Variants in KCNU1 observed in about 807,000 individuals in gnomAD.
KCNU1 encodes the protein potassium channel subfamily U member 1.
In KCNU1, 93 loss-of-function variants were observed where a neutral mutation model predicts 126.8. The observed-to-expected ratio is 0.73, with a 90% CI of 0.62 to 0.87. The LOEUF (loss-of-function observed/expected upper bound fraction) is 0.87. Ranked by LOEUF, KCNU1 falls within the 40% of genes least tolerant of loss-of-function variation. The pLI, the probability that KCNU1 is intolerant of heterozygous loss-of-function variation, is 0.00. For missense variants in KCNU1, 1,330 were observed against 1,367.1 expected (o/e 0.97, Z 0.43); for synonymous variants, 523 against 494.2 (o/e 1.06, Z -0.77).
intron 5 of KCNU1, 106 bp from the exon 6 acceptor site, chr8:36,807,269 G>A (rs1470940604): frequency 1.6e-4 from 132 of 804,180 alleles, no homozygotes; most frequent in East Asian, 3.0e-4. Flanking sequence ...TTTGGAACAC[G>A]TCTAGAAGAA....
At chr8:36,828,861 G>T (rs1804421521) in intron 10 of KCNU1, among the ~76,000 whole-genome samples, 1 of 151,966 alleles carries the variant, frequency 6.6e-6, no homozygotes, top group African/African-American at 2.4e-5. Flanking sequence ...TGCACCATTT[G>T]CAAGCCTATC....
In KCNU1 at chr8:36,873,437, A is replaced by G. The variant is rs76117539; in HGVS notation, c.2009+8916A>G. On this transcript the variant is annotated intron_variant, in intron 19 of 26. Transcript: ENST00000399881. ...ATATAATGGCTGTTTACCCAACACT[A>G]TAAATTATTGGCTTACACAACACAA... Among the ~76,000 whole-genome samples the G allele has an allele frequency of 7.5e-3, 1,147 of 152,258 alleles. 4 individuals carry two copies. Among genetic ancestry groups the G allele is most frequent in the Non-Finnish European group, 0.011 (734 of 68,018 alleles).
chr8:36,863,645 A>G (rs1056320878), intron 18 of KCNU1, among the ~76,000 whole-genome samples: 23 of 152,318 alleles, frequency 1.5e-4, no homozygotes, highest in Admixed American at 5.2e-4. Context: ...AGGGTTGGAA[A>G]TGATTCTTGG....
intron 2 of KCNU1, among the ~76,000 whole-genome samples, chr8:36,801,728 G>A (rs765633922): frequency 6.6e-6 from 1 of 151,876 alleles, no homozygotes; most frequent in Admixed American, 6.6e-5. Context: ...ACTTTTCTGA[G>A]CTTCAGACCA....
At chr8:36,807,347 C>T in intron 5 of KCNU1, 28 bp from the exon 6 acceptor site, 4 of 1,571,210 alleles carry the variant, frequency 2.5e-6, no homozygotes, top group Non-Finnish European at 3.5e-6. Context: ...CTGATTTTGG[C>T]AGCTTTCTCC....
Position 36,840,572 on chromosome 8 carries a change from C to G in KCNU1, c.1628C>G (p.Ala543Gly). 1 of 1,575,636 alleles carries G rather than the reference C, an allele frequency of 6.3e-7. No individual in the cohort carries two copies. The highest frequency in any genetic ancestry group is 8.7e-7 in the Non-Finnish European group (1 of 1,145,884). The change falls in exon 15 of 27, where the codon GCC becomes GGC. Residue 543 changes from alanine (A) to glycine (G), a missense_variant. By Grantham distance (60) the Ala-to-Gly change is moderately conservative. This residue lies in a region of KCNU1 where 1,054 missense variants were observed against 1,053.9 expected (regional missense o/e 1.00). Transcript: ENST00000399881. Reference sequence around the variant, plus strand: ...GCTGGAATGAGCTTTCCTGAAGTTGCCCGGTAAGTGAAGTGAAATACTTCC... The same window carrying G: ...GCTGGAATGAGCTTTCCTGAAGTTGGCCGGTAAGTGAAGTGAAATACTTCC... ...DFAGMSFPEVARLCFLKMHLL... is the reference protein window; with the variant it reads ...DFAGMSFPEVGRLCFLKMHLL...
intron 2 of KCNU1, among the ~76,000 whole-genome samples, chr8:36,799,085 G>A (rs548746301): frequency 3.9e-5 from 6 of 152,144 alleles, no homozygotes; most frequent in African/African-American, 1.2e-4. Context: ...AGTTATGCCC[G>A]TGTTCCTCTT....
intron 19 of KCNU1, among the ~76,000 whole-genome samples, chr8:36,900,701 G>T (rs778412085): frequency 6.6e-6 from 1 of 152,020 alleles, no homozygotes; most frequent in Non-Finnish European, 1.5e-5. Flanking sequence ...TGTAGCCTTT[G>T]ATATACAAAA....
intron 19 of KCNU1, among the ~76,000 whole-genome samples, chr8:36,871,031 G>GCA (rs1806083330): frequency 6.6e-6 from 1 of 152,070 alleles, no homozygotes; most frequent in African/African-American, 2.4e-5. Context: ...ATCCCTAGCA[G>GCA]GGCTATGTGT....
intron 10 of KCNU1, among the ~76,000 whole-genome samples, chr8:36,830,909 T>G: frequency 1.5e-5 from 1 of 67,564 alleles, no homozygotes; most frequent in African/African-American, 6.1e-5. Context: ...CCCTCCCCCC[T>G]CCCCCCACCC....
intron 18 of KCNU1, among the ~76,000 whole-genome samples, chr8:36,861,583 C>T (rs889066886): frequency 1.3e-5 from 2 of 152,124 alleles, no homozygotes; most frequent in Admixed American, 6.5e-5. Flanking sequence ...GCTTCTAAAA[C>T]TAGTGGTTTT....
At chr8:36,928,908 G>A (rs989196635) in intron 24 of KCNU1, 3 of 634,966 alleles carry the variant, frequency 4.7e-6, no homozygotes, top group African/African-American at 1.9e-5. Flanking sequence ...TGATCCAGGA[G>A]ATCTGGGATC....
intron 24 of KCNU1, among the ~76,000 whole-genome samples, chr8:36,927,090 G>A (rs1331429178): frequency 1.3e-5 from 2 of 152,056 alleles, no homozygotes; most frequent in Admixed American, 1.3e-4. Context: ...GAATAAATGT[G>A]CGAATCCCAA....
intron 19 of KCNU1, among the ~76,000 whole-genome samples, chr8:36,873,964 T>G (rs954796912): frequency 2.6e-5 from 4 of 152,202 alleles, no homozygotes; most frequent in African/African-American, 9.6e-5. Context: ...ATATCATTAT[T>G]AAAATGCACA....
intron 18 of KCNU1, among the ~76,000 whole-genome samples, chr8:36,852,319 G>T (rs1422531560): frequency 6.6e-6 from 1 of 151,922 alleles, no homozygotes; most frequent in Non-Finnish European, 1.5e-5. Context: ...ACAAATTTTG[G>T]TCTTTAGGTT....
At chr8:36,900,967 C>G (rs182433411) in intron 19 of KCNU1, among the ~76,000 whole-genome samples, 5 of 152,000 alleles carry the variant, frequency 3.3e-5, no homozygotes, top group Non-Finnish European at 1.5e-5. Context: ...CCAGAAAACT[C>G]TCTTAAGAAT....
rs181949494 is a variant in KCNU1 at position 36,804,391 on chromosome 8, C to A, written c.377+303C>A. On this transcript the variant is annotated intron_variant, in intron 3 of 26. Coordinates refer to ENST00000399881, the MANE Select transcript of KCNU1 (RefSeq NM_001031836.3). ...CACCAGCCTTCAGCTTTCTTTCCCTCACTTAGGCCACTCATGAAGGTTTTA... is the reference window on the plus strand; with the variant it reads ...CACCAGCCTTCAGCTTTCTTTCCCTAACTTAGGCCACTCATGAAGGTTTTA... 9.8e-4 allele frequency among the ~76,000 whole-genome samples: 149 copies of A among 152,282 alleles called. 2 individuals are homozygous for A. The highest frequency in any genetic ancestry group is 9.7e-3 in the Admixed American group (148 of 15,292).
intron 19 of KCNU1, among the ~76,000 whole-genome samples, chr8:36,896,377 A>G (rs374687790): frequency 6.6e-6 from 1 of 152,088 alleles, no homozygotes. Context: ...GATTAGATTT[A>G]TGATAATTTG....
At chr8:36,932,068 C>T (rs1808718122) in intron 25 of KCNU1, among the ~76,000 whole-genome samples, 1 of 152,058 alleles carries the variant, frequency 6.6e-6, no homozygotes, top group Non-Finnish European at 1.5e-5. Flanking sequence ...ATTAGCAAAA[C>T]CCCCAGGTAG....
Sources: gnomAD v4.1 joint callset for allele counts (sites outside exome capture counted in the v4.1 genomes callset) on GRCh38, gnomAD v4.1.1 for gene constraint, gnomAD v4.1.1 regional missense constraint, MANE v1.5 for transcripts, NCBI Gene and HGNC (gene_info 2026-07-23, HGNC 2026-07-21) for gene names.